ZFYVE26: variants seen among roughly 807,000 people sequenced by gnomAD.
ZFYVE26 encodes the protein zinc finger FYVE-type containing 26.
Under a neutral mutation model 276.5 loss-of-function variants are expected in ZFYVE26, and 181 were observed. That is an observed-to-expected ratio of 0.65 (90% CI 0.58 to 0.74). ZFYVE26 has a LOEUF of 0.74. Among genes scored for constraint, ZFYVE26 ranks in the 30% least tolerant of loss-of-function variants. The probability of loss-of-function intolerance (pLI) is 0.00; values close to 1 mark genes in which losing one functional copy is unlikely to be tolerated. For missense variants in ZFYVE26, 2,821 were observed against 3,097.9 expected, an observed-to-expected ratio of 0.91 and a Z score of 2.12; for synonymous variants, 1,129 against 1,203.1, an observed-to-expected ratio of 0.94 and a Z score of 1.27.
At chr14:67,785,787 G>A (rs764494876) in intron 18 of ZFYVE26, 71 bp downstream of exon 18, 30 of 1,603,150 alleles carry the variant, frequency 1.9e-5, no homozygotes, top group Non-Finnish European at 2.5e-5. Context: ...GCTCCAAAGT[G>A]CTTCGTTACT....
chr14:67,786,547 A>T (rs2039664315), intron 16 of ZFYVE26, among the ~76,000 whole-genome samples: 1 of 152,240 alleles, frequency 6.6e-6, no homozygotes, highest in African/African-American at 2.4e-5. Flanking sequence ...ACTCAACTTG[A>T]GCGGAGATCA....
intron 21 of ZFYVE26, 93 bp downstream of exon 21, chr14:67,782,687 C>T: frequency 6.3e-7 from 1 of 1,578,250 alleles, no homozygotes; most frequent in Non-Finnish European, 8.6e-7. Context: ...GGGCTTCTCT[C>T]TAGAGTTACC....
rs369515491 is a variant in ZFYVE26, at chr14:67,784,471, C to T, written c.3524-35G>A. ...TAAAGAACATGATCTTTGTTTGCAC[C>T]ACTGACTGCAAGAGTTCAGAGCCCT... On this transcript the variant is annotated intron_variant, in intron 19 of 41. Coordinates refer to ENST00000347230, the MANE Select transcript of ZFYVE26 (RefSeq NM_015346.4). 3.2e-6 allele frequency: 5 copies of T among 1,578,212 alleles called. No homozygotes were observed. The African/African-American group carries it at 4.0e-5, about 13-fold the overall frequency.
chr14:67,780,380 T>C, intron 22 of ZFYVE26, 35 bp from the exon 23 acceptor site: 2 of 1,569,510 alleles, frequency 1.3e-6, no homozygotes, highest in Non-Finnish European at 1.7e-6. Context: ...CAAACCACAC[T>C]GCAGCTTCTC....
chr14:67,782,872 G>A lies in ZFYVE26; in HGVS notation c.4280C>T (p.Ser1427Phe), dbSNP rs773756637. The A allele has an allele frequency of 2.0e-5, 33 of 1,614,060 alleles. No homozygotes were observed. Among genetic ancestry groups the A allele is most frequent in the Admixed American group, 3.3e-5 (2 of 60,010 alleles). The change falls in exon 21 of 42, where the codon TCC (serine) becomes TTC (phenylalanine). Residue 1427 changes from serine (S) to phenylalanine (F), a missense_variant. Coordinates refer to ENST00000347230, the MANE Select transcript of ZFYVE26 (RefSeq NM_015346.4). Reference protein sequence around the residue: ...FEESLVARDWSRALQLTEVYG... With the variant: ...FEESLVARDWFRALQLTEVYG... ...CACTTCAGTGAGCTGAAGGGCCCGG[G>A]ACCAATCTCTGGCCACCAAGGATTC...
intron 8 of ZFYVE26, 22 bp downstream of exon 8, chr14:67,805,195 C>A (rs185597681): frequency 2.5e-6 from 4 of 1,610,218 alleles, no homozygotes; most frequent in Non-Finnish European, 2.5e-6. Flanking sequence ...GGTGGGCAGG[C>A]GCTGACTGCA....
chr14:67,782,879 C>T lies in ZFYVE26; in HGVS notation c.4273G>A (p.Asp1425Asn). The T allele has an allele frequency of 6.2e-7, 1 of 1,614,230 alleles. No individual in the cohort carries two copies. The highest frequency in any genetic ancestry group is 8.5e-7 in the Non-Finnish European group (1 of 1,180,030). ...EAFEESLVAR[D>N]WSRALQLTEV... ...GTGAGCTGAAGGGCCCGGGACCAAT[C>T]TCTGGCCACCAAGGATTCCTCAAAA... Residue 1425 changes from aspartate (D) to asparagine (N), a missense_variant, in exon 21 of 42, where the codon GAT becomes AAT. Asp to Asn is a conservative substitution (Grantham distance 23). Coordinates refer to ENST00000347230, the MANE Select transcript of ZFYVE26 (RefSeq NM_015346.4).
intron 13 of ZFYVE26, chr14:67,734,300 C>T: frequency 5.7e-6 from 1 of 176,902 alleles, no homozygotes; most frequent in Admixed American, 5.4e-5. Context: ...GGAGTCTAGA[C>T]CAACACACAA....
At position 67,784,048 on chromosome 14, in the gene ZFYVE26, C is replaced by T. The variant is rs2295109; in HGVS notation, c.3626+286G>A. On this transcript the variant is annotated intron_variant, in intron 20 of 41. Transcript: ENST00000347230. ...ATTCTCTGAGAATGCTGTTTTCCTA[C>T]AGTCTAATCAACTATCATGTTATTG... Among the ~76,000 whole-genome samples the T allele has an allele frequency of 0.064, 9,795 of 152,246 alleles. 944 individuals are homozygous for T. Among genetic ancestry groups the T allele is most frequent in the African/African-American group, 0.21 (8,622 of 41,498 alleles).
At chr14:67,792,794 C>T (rs111300191) in intron 14 of ZFYVE26, among the ~76,000 whole-genome samples, 3,252 of 150,576 alleles carry the variant, frequency 0.022, 134 homozygotes, top group African/African-American at 0.075. Flanking sequence ...TGCCTGTAAT[C>T]CTAACTACTC....
At chr14:67,795,715 A>G (rs1440177914) in intron 12 of ZFYVE26, among the ~76,000 whole-genome samples, 1 of 152,232 alleles carries the variant, frequency 6.6e-6, no homozygotes, top group East Asian at 1.9e-4. Context: ...TAATGCGCCT[A>G]TATTAACTTC....
intron 32 of ZFYVE26, 92 bp from the exon 33 acceptor site, chr14:67,762,911 T>C (rs1055389059): frequency 1.4e-5 from 22 of 1,546,908 alleles, no homozygotes; most frequent in Non-Finnish European, 1.9e-5. Context: ...TTCTTTTTTC[T>C]GTTTGTTTTG....
Position 67,798,560 on chromosome 14 carries a change from C to A in ZFYVE26, c.1702G>T (p.Asp568Tyr). 6.2e-7 allele frequency: 1 copy of A among 1,614,054 alleles called. No homozygotes were observed. The highest frequency in any genetic ancestry group is 8.5e-7 in the Non-Finnish European group (1 of 1,180,014). Reference protein sequence around the residue: ...RCQQYLCSIPDSLCLELLENI... With the variant: ...RCQQYLCSIPYSLCLELLENI... ...TCCAGAAGCTCCAGGCACAGAGAGT[C>A]AGGAATACTGCACAGATACTGTTGA... The change falls in exon 11 of 42, where the codon GAC becomes TAC. Residue 568 changes from aspartate (D) to tyrosine (Y), a missense_variant. Coordinates refer to ENST00000347230, the MANE Select transcript of ZFYVE26 (RefSeq NM_015346.4).
intron 13 of ZFYVE26, among the ~76,000 whole-genome samples, chr14:67,741,119 A>G (rs533588161): frequency 4.6e-5 from 7 of 152,248 alleles, no homozygotes; most frequent in South Asian, 2.1e-4. Flanking sequence ...CTCTTCCCCA[A>G]CTGCTTCTTT....
chr14:67,798,523 GAGA>G lies in ZFYVE26; in HGVS notation c.1736_1738del (p.Phe579del). 1.9e-6 allele frequency: 3 copies of G among 1,614,174 alleles called. No homozygotes were observed. Among genetic ancestry groups the G allele is most frequent in the Non-Finnish European group, 2.5e-6 (3 of 1,180,030 alleles). ...ATCAGCAGAGGTGATGAGAAGCAAT[GAGA>G]AGATGTTTTCCAGAAGCTCCAGGCA... On this transcript the variant is annotated inframe_deletion, in exon 11 of 42. Transcript: ENST00000347230.
At position 67,774,996 on chromosome 14, in the gene ZFYVE26, T is replaced by A. The variant is rs1309970640; in HGVS notation, c.5320+20A>T. On this transcript the variant is annotated intron_variant, in intron 27 of 41. Transcript: ENST00000347230. The stretch of plus-strand genomic sequence containing the variant: ...GACTAAACTGAAAAATTTTAGTGAA[T>A]CATCAGAGCCAGTTCTTACCAGGAG... The A allele has an allele frequency of 6.4e-7, 1 of 1,574,098 alleles. No individual in the cohort carries two copies. The highest frequency in any genetic ancestry group is 1.7e-5 in the Admixed American group (1 of 57,284).
Position 67,778,268 on chromosome 14 carries a change from C to A in ZFYVE26, c.4675-20G>T, listed in dbSNP as rs986877008. 5.6e-6 allele frequency: 9 copies of A among 1,614,024 alleles called. No homozygotes were observed. Among genetic ancestry groups the A allele is most frequent in the Middle Eastern group, 1.7e-4 (1 of 6,060 alleles). On this transcript the variant is annotated intron_variant, in intron 23 of 41. Coordinates refer to ENST00000347230, the MANE Select transcript of ZFYVE26 (RefSeq NM_015346.4). ...ATACTCCTGGAAGGAAACACACATG[C>A]CTTCAACCCCTTTACATGACTGCCT...
chr14:67,781,518 A>G lies in ZFYVE26; in HGVS notation c.4384T>C (p.Trp1462Arg). ...TCCTTCACGGGAAACAGGTATTGCC[A>G]ACCTTCTTTGTCTATAAGACAAAAA... Reference protein sequence around the residue: ...SCAVACDKEGWQYLFPVKDAS... With the variant: ...SCAVACDKEGRQYLFPVKDAS... Residue 1462 changes from tryptophan (W) to arginine (R), a missense_variant, in exon 22 of 42, where the codon TGG (tryptophan) becomes CGG (arginine). Coordinates refer to ENST00000347230, the MANE Select transcript of ZFYVE26 (RefSeq NM_015346.4). 6.2e-7 allele frequency: 1 copy of G among 1,614,164 alleles called. No individual in the cohort carries two copies. The highest frequency in any genetic ancestry group is 2.2e-5 in the East Asian group (1 of 44,884).
rs2038532128 is a variant in ZFYVE26, at chr14:67,748,084, C to G, written c.*352G>C. 3.4e-6 allele frequency: 1 copy of G among 294,314 alleles called. No homozygotes were observed. Among genetic ancestry groups the G allele is most frequent in the African/African-American group, 2.1e-5 (1 of 46,654 alleles). 18.2% of individuals were successfully genotyped at this position (294,314 alleles called of 1,614,324 possible). ...GAGTGGCAAGTCTAAAGTAAAGTGC[C>G]TCTTTTAAATGGAGAAGAGTTTCAT... On this transcript the variant is annotated 3_prime_UTR_variant, in exon 42 of 42. Transcript: ENST00000347230.
Sources: allele counts gnomAD v4.1 joint callset (sites outside exome capture counted in the v4.1 genomes callset), GRCh38; gene constraint gnomAD v4.1.1; transcripts MANE v1.5; gene names NCBI Gene and HGNC (gene_info 2026-07-23, HGNC 2026-07-21).